Variants in PPP3CA observed in about 807,000 individuals in gnomAD.
PPP3CA encodes protein phosphatase 3 catalytic subunit alpha.
Under a neutral mutation model 66.5 loss-of-function variants are expected in PPP3CA, and 14 were observed. The observed-to-expected ratio is 0.21, with a 90% CI of 0.14 to 0.33. PPP3CA has a LOEUF of 0.33. Ranked by LOEUF, PPP3CA falls within the 10% of genes least tolerant of loss-of-function variation. PPP3CA has a pLI of 1.00. For synonymous variants in PPP3CA, 232 were observed against 226.2 expected, an observed-to-expected ratio of 1.03 and a Z score of -0.23; for missense variants, 317 against 639.5, an observed-to-expected ratio of 0.50 and a Z score of 5.44.
intron 1 of PPP3CA, among the ~76,000 whole-genome samples, chr4:101,216,511 T>G (rs905233614): frequency 6.6e-6 from 1 of 152,098 alleles, no homozygotes; most frequent in Non-Finnish European, 1.5e-5. Flanking sequence ...GCTACAAAAA[T>G]GGCCTGTAGA....
intron 6 of PPP3CA, among the ~76,000 whole-genome samples, chr4:101,088,641 T>C (rs951985924): frequency 7.2e-6 from 1 of 138,854 alleles, no homozygotes; most frequent in Non-Finnish European, 1.6e-5. Context: ...TATACTACAG[T>C]AAATGCTCAG....
intron 5 of PPP3CA, among the ~76,000 whole-genome samples, chr4:101,097,491 A>G (rs905982678): frequency 7.2e-5 from 11 of 152,124 alleles, no homozygotes; most frequent in African/African-American, 2.7e-4. Flanking sequence ...ATAAATATCA[A>G]TGTGAAGAAA....
intron 1 of PPP3CA, among the ~76,000 whole-genome samples, chr4:101,227,351 C>A (rs1047439563): frequency 6.6e-6 from 1 of 151,682 alleles, no homozygotes; most frequent in Non-Finnish European, 1.5e-5. Flanking sequence ...GTTTTATATA[C>A]TAAATTATGT....
intron 1 of PPP3CA, among the ~76,000 whole-genome samples, chr4:101,308,611 A>T (rs80182344): frequency 0.011 from 1,631 of 152,192 alleles, 12 homozygotes; most frequent in Non-Finnish European, 0.015. Flanking sequence ...ATACCCAGCT[A>T]ACTTTTTAAC....
intron 8 of PPP3CA, among the ~76,000 whole-genome samples, chr4:101,077,577 A>G (rs914736340): frequency 6.6e-6 from 1 of 152,256 alleles, no homozygotes; most frequent in African/African-American, 2.4e-5. Context: ...CACTGTTAGT[A>G]TAATAGCTTT....
intron 1 of PPP3CA, among the ~76,000 whole-genome samples, chr4:101,305,242 G>A (rs1728498594): frequency 6.6e-6 from 1 of 152,176 alleles, no homozygotes; most frequent in Non-Finnish European, 1.5e-5. Flanking sequence ...TTTTCAGGCG[G>A]TGTTTCTTTT....
intron 1 of PPP3CA, among the ~76,000 whole-genome samples, chr4:101,286,348 A>G (rs1727847656): frequency 6.6e-6 from 1 of 152,238 alleles, no homozygotes; most frequent in Non-Finnish European, 1.5e-5. Flanking sequence ...TAAGGCAAAT[A>G]AACACAAATG....
intron 11 of PPP3CA, 67 bp from the exon 12 acceptor site, chr4:101,032,431 A>AAAGG (rs1727013777): frequency 2.2e-6 from 3 of 1,378,932 alleles, no homozygotes; most frequent in Non-Finnish European, 3.0e-6. Context: ...GAAATGACTG[A>AAAGG]AAGGAAAAAA....
chr4:101,252,042 C>T (rs1032294323), intron 1 of PPP3CA, among the ~76,000 whole-genome samples: 4 of 152,112 alleles, frequency 2.6e-5, no homozygotes, highest in South Asian at 2.1e-4. Flanking sequence ...ACAATTCCCA[C>T]GTGCCATTAC....
chr4:101,237,620 G>A (rs1726169191), intron 1 of PPP3CA, among the ~76,000 whole-genome samples: 2 of 152,018 alleles, frequency 1.3e-5, no homozygotes, highest in Non-Finnish European at 2.9e-5. Flanking sequence ...ACAACCACAA[G>A]CTTGCTTTAA....
chr4:101,058,323 G>T (rs2110223064), intron 10 of PPP3CA, among the ~76,000 whole-genome samples: 1 of 152,202 alleles, frequency 6.6e-6, no homozygotes, highest in East Asian at 1.9e-4. Context: ...TAAAGCAGAA[G>T]AAACTGTTCA....
rs2850362 is a variant in PPP3CA, at chr4:101,298,473, C to G, written c.58+48266G>C. Among the ~76,000 whole-genome samples the G allele has an allele frequency of 1.4e-4, 21 of 151,970 alleles. No homozygotes were observed. In the East Asian group the frequency reaches 3.9e-3, roughly 28 times the overall value. ...ATGCCTCCCCTGCCACCTCCTCTACCTACTCCTTCTCTGCCACCCTTGAGA... is the reference window on the plus strand; with the variant it reads ...ATGCCTCCCCTGCCACCTCCTCTACGTACTCCTTCTCTGCCACCCTTGAGA... On this transcript the variant is annotated intron_variant, in intron 1 of 13. Coordinates refer to ENST00000394854, the MANE Select transcript of PPP3CA (RefSeq NM_000944.5).
At chr4:101,131,682 G>C (rs996301330) in intron 2 of PPP3CA, among the ~76,000 whole-genome samples, 1 of 151,962 alleles carries the variant, frequency 6.6e-6, no homozygotes, top group African/African-American at 2.4e-5. Context: ...CTGTCAATAT[G>C]AGACAGATTA....
chr4:101,254,591 A>G (rs1353759037), intron 1 of PPP3CA, among the ~76,000 whole-genome samples: 1 of 151,928 alleles, frequency 6.6e-6, no homozygotes, highest in African/African-American at 2.4e-5. Context: ...CTATACCCAC[A>G]CATCATTTCA....
At chr4:101,123,540 C>A (rs1316522779) in intron 2 of PPP3CA, among the ~76,000 whole-genome samples, 1 of 152,126 alleles carries the variant, frequency 6.6e-6, no homozygotes, top group Non-Finnish European at 1.5e-5. Context: ...TAAAGATTAA[C>A]AAGGGACAGG....
chr4:101,323,394 C>T lies in PPP3CA; in HGVS notation c.58+23345G>A, dbSNP rs550442612. Among the ~76,000 whole-genome samples, 14 of 152,320 alleles carry T rather than the reference C, an allele frequency of 9.2e-5. No individual in the cohort carries two copies. In the South Asian group the frequency reaches 2.5e-3, roughly 27 times the overall value. On this transcript the variant is annotated intron_variant, in intron 1 of 13. Transcript: ENST00000394854. ...ACTCTTATGGAAGGAATCTGAAATA[C>T]TTCAACAAGCTAAGGTTAACTGTGT...
chr4:101,338,765 A>C (rs1166138033), intron 1 of PPP3CA, among the ~76,000 whole-genome samples: 1 of 152,214 alleles, frequency 6.6e-6, no homozygotes, highest in Non-Finnish European at 1.5e-5. Flanking sequence ...TTATCCCAAT[A>C]ATCAGGCCCA....
At chr4:101,151,847 G>A (rs1363528128) in intron 2 of PPP3CA, among the ~76,000 whole-genome samples, 6 of 151,456 alleles carry the variant, frequency 4.0e-5, no homozygotes, top group East Asian at 2.0e-4. Flanking sequence ...TAGTAGAGAC[G>A]GGGTTTCACC....
intron 6 of PPP3CA, among the ~76,000 whole-genome samples, chr4:101,090,638 T>C (rs1301932192): frequency 5.0e-5 from 4 of 80,454 alleles, no homozygotes; most frequent in African/African-American, 2.9e-4. Context: ...TGAGACTCTG[T>C]CTCAAAAAAA....
Sources: allele counts gnomAD v4.1 joint callset (sites outside exome capture counted in the v4.1 genomes callset), GRCh38; gene constraint gnomAD v4.1.1; transcripts MANE v1.5; gene names NCBI Gene and HGNC (gene_info 2026-07-23, HGNC 2026-07-21).